PLOD2: variants seen among roughly 807,000 people sequenced by gnomAD.
PLOD2 encodes procollagen-lysine,2-oxoglutarate 5-dioxygenase 2, also known as lysine hydroxylase 2.
Under a neutral mutation model 101.0 loss-of-function variants are expected in PLOD2, and 65 were observed. The observed-to-expected ratio is 0.64, with a 90% CI of 0.53 to 0.79. The LOEUF (loss-of-function observed/expected upper bound fraction) is 0.79. Among genes scored for constraint, PLOD2 ranks in the 30% least tolerant of loss-of-function variants. The pLI is 0.00. For synonymous variants in PLOD2, 314 were observed against 302.9 expected (o/e 1.04, Z -0.38); for missense variants, 909 against 914.6 (o/e 0.99, Z 0.08).
At chr3:146,153,188 C>T (rs1031203268) in intron 1 of PLOD2, among the ~76,000 whole-genome samples, 5 of 152,268 alleles carry the variant, frequency 3.3e-5, no homozygotes, top group African/African-American at 7.2e-5. Context: ...ATAACAACAG[C>T]GCTCTAAGAC....
intron 8 of PLOD2, among the ~76,000 whole-genome samples, chr3:146,089,349 T>G (rs1008992207): frequency 2.0e-5 from 3 of 151,520 alleles, no homozygotes; most frequent in Non-Finnish European, 4.4e-5. Context: ...AATTCTGAAA[T>G]AGCCATTATA....
At chr3:146,125,783 A>G (rs540008275) in intron 1 of PLOD2, among the ~76,000 whole-genome samples, 67 of 152,306 alleles carry the variant, frequency 4.4e-4, no homozygotes, top group South Asian at 3.3e-3. Flanking sequence ...TATTTAAAAA[A>G]GTTTTCATTT....
intron 2 of PLOD2, among the ~76,000 whole-genome samples, chr3:146,123,097 T>A (rs1030848345): frequency 6.6e-6 from 1 of 152,188 alleles, no homozygotes; most frequent in Non-Finnish European, 1.5e-5. Context: ...AGCTGTTCTA[T>A]ATTAACACTT....
intron 14 of PLOD2, 24 bp from the exon 15 acceptor site, chr3:146,076,919 T>A: frequency 6.9e-7 from 1 of 1,458,832 alleles, no homozygotes; most frequent in Non-Finnish European, 9.6e-7. Context: ...AATAACAGTA[T>A]TAATCTTAGA....
chr3:146,089,693 T>A (rs1936910992), intron 8 of PLOD2, among the ~76,000 whole-genome samples: 1 of 151,656 alleles, frequency 6.6e-6, no homozygotes, highest in Non-Finnish European at 1.5e-5. Flanking sequence ...TACACTATCA[T>A]ATTTCTTCAT....
intron 1 of PLOD2, 53 bp downstream of exon 1, chr3:146,160,828 G>GC (rs978509903): frequency 4.9e-5 from 56 of 1,136,586 alleles, no homozygotes; most frequent in East Asian, 1.5e-4. Context: ...TGAATGAACT[G>GC]CCCCCCCGCC....
At chr3:146,128,499 C>T (rs1432218240) in intron 1 of PLOD2, among the ~76,000 whole-genome samples, 1 of 152,082 alleles carries the variant, frequency 6.6e-6, no homozygotes, top group Non-Finnish European at 1.5e-5. Flanking sequence ...CAGTGGCAGA[C>T]TATGTAATCA....
chr3:146,086,665 T>C (rs931435733), intron 10 of PLOD2, 122 bp downstream of exon 10: 2 of 607,286 alleles, frequency 3.3e-6, no homozygotes, highest in Admixed American at 3.1e-5. Flanking sequence ...GGCTACTGCA[T>C]ACGCAAACAA....
At chr3:146,109,269 G>A (rs1049452269) in intron 4 of PLOD2, among the ~76,000 whole-genome samples, 14 of 152,204 alleles carry the variant, frequency 9.2e-5, no homozygotes, top group African/African-American at 3.1e-4. Flanking sequence ...GAGGAAAAGA[G>A]ATTTCAAACC....
chr3:146,145,814 T>C (rs1220958186), intron 1 of PLOD2, among the ~76,000 whole-genome samples: 1 of 152,126 alleles, frequency 6.6e-6, no homozygotes, highest in Non-Finnish European at 1.5e-5. Context: ...CCCACTTTTA[T>C]CTCAGAAAAG....
chr3:146,135,557 G>GTGAC (rs2031183325), intron 1 of PLOD2, among the ~76,000 whole-genome samples: 1 of 152,080 alleles, frequency 6.6e-6, no homozygotes, highest in Non-Finnish European at 1.5e-5. Flanking sequence ...ATTTATATAT[G>GTGAC]TGACTGATCT....
In PLOD2 at chr3:146,085,209, T is replaced by A. The variant is rs1936715126; in HGVS notation, c.1192A>T (p.Thr398Ser). The change falls in exon 11 of 20, where the codon ACA becomes TCA. Residue 398 changes from threonine to serine, a missense_variant. Physicochemically the swap from Thr to Ser is moderately conservative, Grantham distance 58 (BLOSUM62 1). Transcript: ENST00000282903. The part of the protein sequence containing the change: ...YFSVDADVVL[T>S]NPRTLKILIE... ...AAAATTTTTAAAGTCCTTGGATTTG[T>A]CAAAACAACATCTGCATCCACACTA... The A allele has an allele frequency of 6.2e-7, 1 of 1,604,626 alleles. No individual in the cohort carries two copies. Among genetic ancestry groups the A allele is most frequent in the Non-Finnish European group, 8.5e-7 (1 of 1,171,806 alleles).
chr3:146,141,180 GATTA>G (rs2031503893), intron 1 of PLOD2, among the ~76,000 whole-genome samples: 1 of 151,944 alleles, frequency 6.6e-6, no homozygotes, highest in Non-Finnish European at 1.5e-5. Flanking sequence ...TGGATGTTTA[GATTA>G]ATTACAACCC....
chr3:146,154,904 C>T (rs1027640755), intron 1 of PLOD2, among the ~76,000 whole-genome samples: 36 of 152,258 alleles, frequency 2.4e-4, no homozygotes, highest in African/African-American at 7.7e-4. Context: ...GTACACTTCC[C>T]TCTTTTAATA....
chr3:146,129,315 C>T (rs1301206943), intron 1 of PLOD2, among the ~76,000 whole-genome samples: 3 of 152,020 alleles, frequency 2.0e-5, no homozygotes, highest in African/African-American at 7.2e-5. Context: ...TTTTTTACAA[C>T]CTTTTAAAAA....
At chr3:146,143,534 C>G (rs1273353672) in intron 1 of PLOD2, among the ~76,000 whole-genome samples, 1 of 152,012 alleles carries the variant, frequency 6.6e-6, no homozygotes, top group Non-Finnish European at 1.5e-5. Context: ...CCTCTTCTCC[C>G]TAGACTACTG....
chr3:146,100,955 C>T (rs1937367488), intron 7 of PLOD2, among the ~76,000 whole-genome samples: 2 of 152,076 alleles, frequency 1.3e-5, no homozygotes, highest in East Asian at 3.9e-4. Context: ...GTGGCCTGAA[C>T]TAAGAAAGTT....
At chr3:146,091,721 C>A (rs943840090) in intron 8 of PLOD2, 79 bp downstream of exon 8, 2 of 844,402 alleles carry the variant, frequency 2.4e-6, no homozygotes, top group Non-Finnish European at 4.0e-6. Flanking sequence ...AATAATTTGC[C>A]TTTTTTCCTA....
At chr3:146,093,098 A>C (rs563460135) in intron 7 of PLOD2, among the ~76,000 whole-genome samples, 172 of 152,254 alleles carry the variant, frequency 1.1e-3, no homozygotes, top group African/African-American at 3.8e-3. Context: ...TTAAAGTCCT[A>C]AAGGGGATGT....
Sources: gnomAD v4.1 joint callset for allele counts (sites outside exome capture counted in the v4.1 genomes callset) on GRCh38, gnomAD v4.1.1 for gene constraint, MANE v1.5 for transcripts, NCBI Gene and HGNC (gene_info 2026-07-23, HGNC 2026-07-21) for gene names.